Variants in PCDH15 observed in about 807,000 individuals in gnomAD.
The protein encoded by PCDH15 is protocadherin related 15.
A neutral mutation model predicts 178.5 loss-of-function variants in PCDH15; 129 were observed. The ratio of observed to expected loss-of-function variants is 0.72; its 90% CI spans 0.63 to 0.84. PCDH15 has a LOEUF of 0.84. PCDH15 is among the 40% of genes least tolerant of loss of function. PCDH15 has a pLI of 0.00. For synonymous variants in PCDH15, 800 were observed against 732.0 expected (o/e 1.09, Z -1.50); for missense variants, 2,230 against 2,099.9 (o/e 1.06, Z -1.21).
chr10:54,996,129 A>G (rs2131923336), intron 2 of PCDH15, among the ~76,000 whole-genome samples: 1 of 152,282 alleles, frequency 6.6e-6, no homozygotes, highest in African/African-American at 2.4e-5. Flanking sequence ...CATGGCTCAG[A>G]CTGCAGTGGG....
intron 4 of PCDH15, among the ~76,000 whole-genome samples, chr10:54,377,739 T>G (rs1948656656): frequency 6.6e-6 from 1 of 152,116 alleles, no homozygotes; most frequent in Non-Finnish European, 1.5e-5. Context: ...TTAGAGTTAC[T>G]CTCTGAGTTT....
intron 1 of PCDH15, among the ~76,000 whole-genome samples, chr10:55,289,244 T>G (rs1423852926): frequency 6.6e-6 from 1 of 152,050 alleles, no homozygotes; most frequent in East Asian, 1.9e-4. Context: ...AACCAGGAAC[T>G]GAGATTCTAA....
intron 8 of PCDH15, among the ~76,000 whole-genome samples, chr10:54,240,832 C>T (rs2055205893): frequency 1.3e-5 from 2 of 151,758 alleles, no homozygotes; most frequent in Admixed American, 1.3e-4. Context: ...GGGGTTTCAC[C>T]GTGTTGGCCA....
intron 1 of PCDH15, among the ~76,000 whole-genome samples, chr10:55,306,687 A>C (rs1843433966): frequency 1.3e-5 from 2 of 152,224 alleles, no homozygotes. Flanking sequence ...TTAGAACTCT[A>C]ATAAGAGATG....
intron 1 of PCDH15, among the ~76,000 whole-genome samples, chr10:55,272,001 T>C (rs1238038590): frequency 1.3e-5 from 2 of 152,140 alleles, no homozygotes; most frequent in Non-Finnish European, 2.9e-5. Context: ...AGACTTATTA[T>C]GCAGTAATAA....
intron 3 of PCDH15, among the ~76,000 whole-genome samples, chr10:54,449,873 A>G (rs922923317): frequency 2.0e-4 from 30 of 151,664 alleles, no homozygotes; most frequent in South Asian, 8.3e-4. Context: ...TCCATCCCCC[A>G]TGGATACTGA....
At chr10:55,289,902 G>C (rs1288039869) in intron 1 of PCDH15, among the ~76,000 whole-genome samples, 1 of 151,964 alleles carries the variant, frequency 6.6e-6, no homozygotes, top group Non-Finnish European at 1.5e-5. Context: ...GTTTTCTTGA[G>C]AGTGGGTTGT....
At chr10:53,842,151 T>G (rs2132793162) in intron 28 of PCDH15, among the ~76,000 whole-genome samples, 1 of 152,266 alleles carries the variant, frequency 6.6e-6, no homozygotes, top group African/African-American at 2.4e-5. Context: ...ACAATAATGA[T>G]ATAATGTTGA....
intron 3 of PCDH15, among the ~76,000 whole-genome samples, chr10:54,524,003 A>G (rs540318241): frequency 2.0e-5 from 3 of 152,298 alleles, no homozygotes; most frequent in African/African-American, 7.2e-5. Flanking sequence ...GTTCTGTACA[A>G]AGAAAATCTT....
intron 2 of PCDH15, among the ~76,000 whole-genome samples, chr10:55,462,230 C>T (rs998859787): frequency 1.2e-4 from 18 of 152,134 alleles, no homozygotes; most frequent in East Asian, 7.7e-4. Flanking sequence ...CATGTCGTTA[C>T]GATGTATTCA....
At chr10:55,537,722 C>A (rs1257291901) in intron 2 of PCDH15, among the ~76,000 whole-genome samples, 1 of 152,096 alleles carries the variant, frequency 6.6e-6, no homozygotes, top group Non-Finnish European at 1.5e-5. Flanking sequence ...CATGAGCCAC[C>A]ATGCCCGGCC....
At chr10:54,037,044 G>T (rs2093432352) in intron 18 of PCDH15, among the ~76,000 whole-genome samples, 1 of 151,846 alleles carries the variant, frequency 6.6e-6, no homozygotes, top group Non-Finnish European at 1.5e-5. Context: ...ATTAGAGGTG[G>T]AGCCTGAAGA....
At chr10:55,494,249 CTTTAT>C (rs1168418219) in intron 2 of PCDH15, among the ~76,000 whole-genome samples, 5 of 151,640 alleles carry the variant, frequency 3.3e-5, no homozygotes, top group Non-Finnish European at 7.4e-5. Flanking sequence ...ATAATTGTTT[CTTTAT>C]TTTATAGTCT....
At chr10:54,522,087 C>CAAAAAA (rs11313978) in intron 3 of PCDH15, among the ~76,000 whole-genome samples, 7 of 58,864 alleles carry the variant, frequency 1.2e-4, no homozygotes, top group Admixed American at 2.4e-4. Context: ...GAATCCATCT[C>CAAAAAA]AAAAAAAAAA....
intron 2 of PCDH15, among the ~76,000 whole-genome samples, chr10:55,627,304 C>T (rs1443003897): frequency 6.6e-6 from 1 of 152,080 alleles, no homozygotes; most frequent in Non-Finnish European, 1.5e-5. Context: ...ATAATTCTTG[C>T]CCACAGGAAA....
chr10:55,236,369 A>G (rs1841387465), intron 1 of PCDH15, among the ~76,000 whole-genome samples: 1 of 152,088 alleles, frequency 6.6e-6, no homozygotes. Context: ...GGTTGAAGGT[A>G]AACTGAGTAG....
chr10:54,317,592 T>C, intron 7 of PCDH15, 151 bp from the exon 8 acceptor site: 1 of 872,948 alleles, frequency 1.1e-6, no homozygotes, highest in South Asian at 1.4e-5. Context: ...CTGGCAAACA[T>C]GGTGAAACCC....
chr10:55,396,180 A>G (rs1190004941), intron 2 of PCDH15, among the ~76,000 whole-genome samples: 3 of 152,148 alleles, frequency 2.0e-5, no homozygotes, highest in Non-Finnish European at 4.4e-5. Flanking sequence ...ATATCTTTGC[A>G]TCAGTGGAAT....
chr10:54,673,588 G>A (rs1185364155), intron 1 of PCDH15, among the ~76,000 whole-genome samples: 1 of 151,914 alleles, frequency 6.6e-6, no homozygotes, highest in Non-Finnish European at 1.5e-5. Flanking sequence ...ATAGGCATGT[G>A]CCACCACGCA....
Sources: allele counts gnomAD v4.1 joint callset (sites outside exome capture counted in the v4.1 genomes callset), GRCh38; gene constraint gnomAD v4.1.1; transcripts MANE v1.5; gene names NCBI Gene and HGNC (gene_info 2026-07-23, HGNC 2026-07-21).